Variants in ABCC12 observed in about 807,000 individuals in gnomAD.
The protein encoded by ABCC12 is ATP-binding cassette sub-family C member 12.
ABCC12 carries 142 observed loss-of-function variants against 151.1 expected under a neutral mutation model. The ratio of observed to expected loss-of-function variants is 0.94; its 90% CI spans 0.82 to 1.08. ABCC12 has a LOEUF of 1.08. ABCC12 is among the 50% of genes least tolerant of loss of function. ABCC12 has a pLI of 0.00. For missense variants in ABCC12, 1,638 were observed against 1,691.1 expected (o/e 0.97, Z 0.55); for synonymous variants, 645 against 646.4 (o/e 1.00, Z 0.03).
chr16:48,095,974 G>A (rs1963080139), intron 24 of ABCC12, among the ~76,000 whole-genome samples: 1 of 152,186 alleles, frequency 6.6e-6, no homozygotes, highest in African/African-American at 2.4e-5. Flanking sequence ...GCCCTCACAT[G>A]TGACAGCTGT....
intron 24 of ABCC12, among the ~76,000 whole-genome samples, chr16:48,095,791 TTTAATC>T (rs1449736275): frequency 1.3e-5 from 2 of 151,516 alleles, no homozygotes; most frequent in East Asian, 1.9e-4. Context: ...GAAATTGGAC[TTTAATC>T]TTAAAGAACT....
chr16:48,114,349 G>T (rs1963802581), intron 15 of ABCC12, among the ~76,000 whole-genome samples: 1 of 152,170 alleles, frequency 6.6e-6, no homozygotes, highest in African/African-American at 2.4e-5. Context: ...CACTACTGGA[G>T]GGTCCTAAAA....
At chr16:48,130,446 C>T (rs188381753) in intron 10 of ABCC12, among the ~76,000 whole-genome samples, 1 of 152,308 alleles carries the variant, frequency 6.6e-6, no homozygotes, top group East Asian at 1.9e-4. Flanking sequence ...TCACCATGCC[C>T]ATTAAAGAAC....
rs553696711 is a variant in ABCC12, at chr16:48,108,240, G to A, written c.2371+200C>T. 2.0e-5 allele frequency among the ~76,000 whole-genome samples: 3 copies of A among 152,278 alleles called. No homozygotes were observed. The South Asian group carries it at 6.2e-4, about 32-fold the overall frequency. On this transcript the variant is annotated intron_variant, in intron 19 of 30. Coordinates refer to ENST00000311303, the MANE Select transcript of ABCC12 (RefSeq NM_001393797.1). ...TAAAAGAGAGTCTGGCAGCTTTAAT[G>A]GAGATAAAGAATGATTCCATTTAAA... is the stretch of plus-strand genomic sequence containing the variant.
chr16:48,151,042 A>T (rs183429984), intron 2 of ABCC12, among the ~76,000 whole-genome samples: 15 of 152,302 alleles, frequency 9.8e-5, no homozygotes, highest in Admixed American at 8.5e-4. Context: ...AACTTAATCA[A>T]CTAGAATCCA....
intron 11 of ABCC12, among the ~76,000 whole-genome samples, chr16:48,127,960 T>A (rs951763188): frequency 6.6e-6 from 1 of 152,026 alleles, no homozygotes; most frequent in Non-Finnish European, 1.5e-5. Context: ...AAATAAAAAA[T>A]TTTAAAAAAT....
rs771754129 is a variant in ABCC12, at chr16:48,104,263, C to T, written c.2779G>A (p.Ala927Thr). The change falls in exon 22 of 31, where the codon GCA (alanine) becomes ACA (threonine). Residue 927 changes from alanine to threonine, a missense_variant. Ala to Thr is a moderately conservative substitution (Grantham distance 58). Coordinates refer to ENST00000311303, the MANE Select transcript of ABCC12 (RefSeq NM_001393797.1). ...DELDVRLPFH[A>T]ENFLQQFFMV... is the part of the protein sequence containing the mutation. ...AAAAACTGCTGCAGAAAGTTCTCTG[C>T]GTGAAACGGCAGCCTCACATCCAGC... 12 of 1,614,106 alleles carry T rather than the reference C, an allele frequency of 7.4e-6. No homozygotes were observed. Among genetic ancestry groups the T allele is most frequent in the Middle Eastern group, 1.6e-4 (1 of 6,084 alleles).
intron 25 of ABCC12, among the ~76,000 whole-genome samples, chr16:48,089,855 C>A (rs1379104333): frequency 6.6e-6 from 1 of 152,078 alleles, no homozygotes; most frequent in African/African-American, 2.4e-5. Flanking sequence ...GATTTAAACA[C>A]GATTTTAAGT....
At chr16:48,137,693 A>G (rs1964658285) in intron 8 of ABCC12, among the ~76,000 whole-genome samples, 1 of 152,236 alleles carries the variant, frequency 6.6e-6, no homozygotes, top group African/African-American at 2.4e-5. Context: ...AATTATGTAA[A>G]TGTCCCTGCA....
intron 15 of ABCC12, among the ~76,000 whole-genome samples, chr16:48,114,306 G>A (rs1039724568): frequency 6.6e-6 from 1 of 152,100 alleles, no homozygotes; most frequent in East Asian, 1.9e-4. Flanking sequence ...CAGGGTCTTC[G>A]AGGAACACCC....
At position 48,088,422 on chromosome 16, in the gene ABCC12, T is replaced by C. The variant is rs1458937677; in HGVS notation, c.3475+123A>G. 7.9e-6 allele frequency: 9 copies of C among 1,137,242 alleles called. No individual in the cohort carries two copies. In the African/African-American group the frequency reaches 1.4e-4, roughly 18 times the overall value. 70.4% of individuals were successfully genotyped at this position (1,137,242 alleles called of 1,614,324 possible). ...AATCCTAATTTACAGTAAAGAGATT[T>C]GAGGGAAATAACAGCCAATCTGACA... On this transcript the variant is annotated intron_variant, in intron 26 of 30. Coordinates refer to ENST00000311303, the MANE Select transcript of ABCC12 (RefSeq NM_001393797.1).
At chr16:48,112,168 G>A (rs1016168174) in intron 15 of ABCC12, among the ~76,000 whole-genome samples, 22 of 152,022 alleles carry the variant, frequency 1.4e-4, no homozygotes, top group African/African-American at 4.8e-4. Flanking sequence ...GGGCAGATTG[G>A]CCCCCAGCAC....
chr16:48,119,463 G>A (rs1028822300), intron 13 of ABCC12, among the ~76,000 whole-genome samples: 2 of 152,208 alleles, frequency 1.3e-5, no homozygotes, highest in Non-Finnish European at 1.5e-5. Flanking sequence ...TGTCCAGTCC[G>A]CATCCACAGA....
chr16:48,133,116 C>T (rs1964485608), intron 9 of ABCC12, among the ~76,000 whole-genome samples: 1 of 151,888 alleles, frequency 6.6e-6, no homozygotes. Context: ...TTTTTTTCCA[C>T]ACTTAAAATT....
intron 3 of ABCC12, among the ~76,000 whole-genome samples, chr16:48,144,941 T>C (rs1964948236): frequency 6.6e-6 from 1 of 152,088 alleles, no homozygotes; most frequent in South Asian, 2.1e-4. Context: ...GACAAAAACA[T>C]CAAGGCACAG....
At chr16:48,148,258 G>A (rs1965063849) in intron 2 of ABCC12, among the ~76,000 whole-genome samples, 1 of 144,830 alleles carries the variant, frequency 6.9e-6, no homozygotes, top group African/African-American at 2.6e-5. Flanking sequence ...AAAAAATTGA[G>A]ACAGGATCTC....
intron 3 of ABCC12, among the ~76,000 whole-genome samples, chr16:48,145,827 C>T (rs983565151): frequency 1.3e-4 from 20 of 152,244 alleles, no homozygotes; most frequent in Non-Finnish European, 2.9e-5. Context: ...CCCAGCTGAG[C>T]TCAGCCCAAG....
chr16:48,121,960 T>C, intron 12 of ABCC12, 120 bp from the exon 13 acceptor site: 1 of 1,430,922 alleles, frequency 7.0e-7, no homozygotes. Context: ...CACAAAAGCG[T>C]TGACAGGACA....
chr16:48,138,956 G>A (rs777840024), intron 7 of ABCC12, among the ~76,000 whole-genome samples: 12 of 152,018 alleles, frequency 7.9e-5, no homozygotes, highest in Admixed American at 2.0e-4. Flanking sequence ...GTGACAGAGC[G>A]AGACCCTGTC....
Sources: allele counts gnomAD v4.1 joint callset (sites outside exome capture counted in the v4.1 genomes callset), GRCh38; gene constraint gnomAD v4.1.1; transcripts MANE v1.5; gene names NCBI Gene and HGNC (gene_info 2026-07-23, HGNC 2026-07-21).